WSCD2: variants seen among roughly 807,000 people sequenced by gnomAD.
WSCD2 encodes the protein sialate:O-sulfotransferase 2.
A neutral mutation model predicts 55.7 loss-of-function variants in WSCD2; 28 were observed. The observed-to-expected ratio is 0.50, with a 90% CI of 0.37 to 0.69. The LOEUF (loss-of-function observed/expected upper bound fraction) is 0.69, where lower values mean the gene tolerates loss of function less well. WSCD2 is among the 30% of genes least tolerant of loss of function. The pLI, the probability that WSCD2 is intolerant of heterozygous loss-of-function variation, is 0.00. For missense variants in WSCD2, 616 were observed against 762.1 expected, an observed-to-expected ratio of 0.81 and a Z score of 2.26; for synonymous variants, 301 against 301.9, an observed-to-expected ratio of 1.00 and a Z score of 0.03.
intron 1 of WSCD2, among the ~76,000 whole-genome samples, chr12:108,172,918 G>A (rs1429532538): frequency 6.6e-6 from 1 of 152,148 alleles, no homozygotes; most frequent in Non-Finnish European, 1.5e-5. Flanking sequence ...TCTTAAATGG[G>A]AAGTGATTAG....
At chr12:108,133,624 G>A (rs570347990) in intron 1 of WSCD2, among the ~76,000 whole-genome samples, 1 of 152,290 alleles carries the variant, frequency 6.6e-6, no homozygotes, top group South Asian at 2.1e-4. Context: ...TGCTTGTGCC[G>A]TGCACCTTCC....
At chr12:108,143,086 T>A (rs751772335) in intron 1 of WSCD2, among the ~76,000 whole-genome samples, 11 of 152,212 alleles carry the variant, frequency 7.2e-5, no homozygotes, top group Non-Finnish European at 1.3e-4. Flanking sequence ...AGTGATGGGA[T>A]TATAGGTGTG....
intron 1 of WSCD2, among the ~76,000 whole-genome samples, chr12:108,138,273 A>G (rs11113762): frequency 0.033 from 5,074 of 152,302 alleles, 274 homozygotes; most frequent in African/African-American, 0.11. Flanking sequence ...CCAGCCTGCC[A>G]TAGATGCCCC....
chr12:108,190,713 A>G (rs952489823), intron 1 of WSCD2, among the ~76,000 whole-genome samples: 6 of 152,124 alleles, frequency 3.9e-5, no homozygotes, highest in African/African-American at 1.4e-4. Flanking sequence ...TGGAAACATG[A>G]ACTGCAGTAA....
chr12:108,237,121 T>C (rs181973170), intron 7 of WSCD2, among the ~76,000 whole-genome samples: 1 of 152,350 alleles, frequency 6.6e-6, no homozygotes, highest in Admixed American at 6.5e-5. Flanking sequence ...TTCAGGGGTG[T>C]CCATGCCTGG....
At chr12:108,132,821 A>C (rs935937937) in intron 1 of WSCD2, among the ~76,000 whole-genome samples, 1 of 152,102 alleles carries the variant, frequency 6.6e-6, no homozygotes, top group African/African-American at 2.4e-5. Context: ...CAGCCATGTG[A>C]GTGTGAGTTT....
intron 1 of WSCD2, among the ~76,000 whole-genome samples, chr12:108,153,789 G>A (rs747060462): frequency 2.0e-5 from 3 of 152,104 alleles, no homozygotes; most frequent in Non-Finnish European, 2.9e-5. Flanking sequence ...AGGGCCTCCC[G>A]TTGGCCAAAC....
rs184364880 is a variant in WSCD2 at position 108,216,244 on chromosome 12, T to C, written c.682+5939T>C. Among the ~76,000 whole-genome samples, 4 of 152,354 alleles carry C rather than the reference T, an allele frequency of 2.6e-5. No homozygotes were observed. In the East Asian group the frequency reaches 7.7e-4, roughly 29 times the overall value. ...TTGAATCTTGCTAAGTTTCAGGGTC[T>C]CTGCCTACAAAATAGGATAATAATA... On this transcript the variant is annotated intron_variant, in intron 4 of 8. Transcript: ENST00000547525.
chr12:108,227,224 C>G (rs1191406040), intron 6 of WSCD2, 60 bp downstream of exon 6: 2 of 1,558,268 alleles, frequency 1.3e-6, no homozygotes, highest in Middle Eastern at 3.4e-4. Flanking sequence ...CCCTCCCAGA[C>G]GTGTTCCTGC....
intron 4 of WSCD2, among the ~76,000 whole-genome samples, chr12:108,216,894 C>G (rs1886904068): frequency 6.6e-6 from 1 of 152,234 alleles, no homozygotes; most frequent in Admixed American, 6.5e-5. Context: ...GAGTCATGGT[C>G]ACTATCAGCC....
Position 108,249,975 on chromosome 12 carries a change from A to G in WSCD2, c.*1632A>G, listed in dbSNP as rs1890340903. 1 of 152,602 alleles carries G rather than the reference A, an allele frequency of 6.6e-6. No homozygotes were observed. Among genetic ancestry groups the G allele is most frequent in the Admixed American group, 6.5e-5 (1 of 15,280 alleles). 9.5% of individuals were successfully genotyped at this position (152,602 alleles called of 1,614,324 possible). A position where few individuals can be genotyped will look rare whatever the true frequency, so the allele number is the denominator to read the frequency against. ...CAGTGGAGGGGTTGGCCTCCCTTCT[A>G]CTGGGAGGTTGACTCTCTCTGGGAG... is the stretch of plus-strand genomic sequence containing the variant. On this transcript the variant is annotated 3_prime_UTR_variant, in exon 9 of 9. Transcript: ENST00000547525.
chr12:108,224,799 C>A lies in WSCD2; in HGVS notation c.743C>A (p.Pro248His). The part of the protein sequence containing the change: ...RRPDNLSLAL[P>H]VTAAMLNMSV... Reference sequence around the variant, plus strand: ...CCCGACAACCTTTCCCTGGCCTTACCCGTGACAGCTGCCATGCTGAACATG... The same window carrying A: ...CCCGACAACCTTTCCCTGGCCTTACACGTGACAGCTGCCATGCTGAACATG... The change falls in exon 5 of 9, where the codon CCC becomes CAC. Residue 248 changes from proline (P) to histidine (H), a missense_variant. Transcript: ENST00000547525. The A allele has an allele frequency of 6.2e-7, 1 of 1,613,770 alleles. No homozygotes were observed. Among genetic ancestry groups the A allele is most frequent in the African/African-American group, 1.3e-5 (1 of 75,072 alleles).
chr12:108,234,192 G>A (rs566328627), intron 7 of WSCD2, among the ~76,000 whole-genome samples: 87 of 152,310 alleles, frequency 5.7e-4, no homozygotes, highest in African/African-American at 1.9e-3. Context: ...GAAAGCTTAC[G>A]AATTTGTGTT....
intron 8 of WSCD2, among the ~76,000 whole-genome samples, chr12:108,247,756 T>C (rs962340180): frequency 1.3e-5 from 2 of 152,206 alleles, no homozygotes; most frequent in Non-Finnish European, 2.9e-5. Context: ...AGGGTCTTGC[T>C]ATGTTGCCCA....
chr12:108,234,246 C>G (rs1421748926), intron 7 of WSCD2, among the ~76,000 whole-genome samples: 1 of 152,222 alleles, frequency 6.6e-6, no homozygotes, highest in East Asian at 1.9e-4. Context: ...TCTGGGTACT[C>G]TGGTCTGGGT....
At chr12:108,196,465 C>G in intron 2 of WSCD2, 1 of 508,828 alleles carries the variant, frequency 2.0e-6, no homozygotes, top group Non-Finnish European at 3.4e-6. Flanking sequence ...CCACATCTAT[C>G]AGAGGTCAAA....
At chr12:108,150,359 C>T (rs1166299353) in intron 1 of WSCD2, among the ~76,000 whole-genome samples, 1 of 152,106 alleles carries the variant, frequency 6.6e-6, no homozygotes, top group Non-Finnish European at 1.5e-5. Flanking sequence ...TGTGAGCTTT[C>T]CAAAGGGAGA....
intron 1 of WSCD2, among the ~76,000 whole-genome samples, chr12:108,153,798 ACT>A (rs1017505718): frequency 3.3e-5 from 5 of 152,000 alleles, no homozygotes; most frequent in African/African-American, 1.2e-4. Context: ...CGTTGGCCAA[ACT>A]CTAGTGGAAG....
Position 108,238,552 on chromosome 12 carries a change from C to T in WSCD2, c.1145-1792C>T, listed in dbSNP as rs535990690. Among the ~76,000 whole-genome samples the T allele has an allele frequency of 2.5e-4, 38 of 152,326 alleles. No homozygotes were observed. In the South Asian group the frequency reaches 6.8e-3, roughly 27 times the overall value. ...GGCGACTTCTCAGTCCATGATTTCA[C>T]CCTAAGTCTTATTCTGCATTAGCTG... On this transcript the variant is annotated intron_variant, in intron 7 of 8. Transcript: ENST00000547525.
Sources: allele counts gnomAD v4.1 joint callset (sites outside exome capture counted in the v4.1 genomes callset), GRCh38; gene constraint gnomAD v4.1.1; transcripts MANE v1.5; gene names NCBI Gene and HGNC (gene_info 2026-07-23, HGNC 2026-07-21).